CASP4: variants seen among roughly 807,000 people sequenced by gnomAD.
CASP4 encodes the protein caspase-4.
In CASP4, 29 loss-of-function variants were observed where a neutral mutation model predicts 41.3. The ratio of observed to expected loss-of-function variants is 0.70; its 90% CI spans 0.52 to 0.96. The LOEUF (loss-of-function observed/expected upper bound fraction) is 0.96. Among genes scored for constraint, CASP4 ranks in the 40% least tolerant of loss-of-function variants. The pLI is 0.00. For synonymous variants in CASP4, 185 were observed against 158.4 expected, an observed-to-expected ratio of 1.17 and a Z score of -1.26; for missense variants, 447 against 460.6, an observed-to-expected ratio of 0.97 and a Z score of 0.27.
chr11:104,953,199 A>T (rs1313126669), intron 2 of CASP4, among the ~76,000 whole-genome samples: 2 of 152,074 alleles, frequency 1.3e-5, no homozygotes, highest in African/African-American at 4.8e-5. Flanking sequence ...AGAGAGCTGG[A>T]TACACTCTAG....
chr11:104,963,084 C>T (rs146227572), intron 1 of CASP4, among the ~76,000 whole-genome samples: 72 of 152,210 alleles, frequency 4.7e-4, no homozygotes, highest in East Asian at 1.7e-3. Flanking sequence ...TTGGGTAATA[C>T]GAAATTTAAA....
At chr11:104,947,922 T>C (rs1860503469) in intron 6 of CASP4, 1 of 152,188 alleles carries the variant, frequency 6.6e-6, no homozygotes, top group Admixed American at 6.5e-5. Context: ...CAGGAGTACA[T>C]AGAAATCTCC....
intron 1 of CASP4, among the ~76,000 whole-genome samples, chr11:104,968,047 C>G (rs900627057): frequency 6.6e-6 from 1 of 151,754 alleles, no homozygotes; most frequent in East Asian, 1.9e-4. Flanking sequence ...TCAGGACCAA[C>G]GAGAAAGAGG....
intron 1 of CASP4, among the ~76,000 whole-genome samples, chr11:104,964,045 A>G (rs1012922433): frequency 6.6e-6 from 1 of 152,168 alleles, no homozygotes; most frequent in African/African-American, 2.4e-5. Context: ...AATTCTGATA[A>G]AATTTACTGT....
At position 104,944,808 on chromosome 11, in the gene CASP4, G is replaced by C. The variant is rs1440848665; in HGVS notation, c.1079C>G (p.Pro360Arg). The C allele has an allele frequency of 6.2e-7, 1 of 1,613,564 alleles. No homozygotes were observed. Among genetic ancestry groups the C allele is most frequent in the Non-Finnish European group, 8.5e-7 (1 of 1,179,700 alleles). The change falls in exon 8 of 9, where the codon CCC (proline) becomes CGC (arginine). Residue 360 changes from proline (P) to arginine (R), a missense_variant. Physicochemically the swap from Pro to Arg is moderately radical, Grantham distance 103. Transcript: ENST00000444739. Reference sequence around the variant, plus strand: ...TGTCATGGACAGTCGTTCTATGGTGGGCATTTGAGCTTTGGCCCTTGGAGT... The same window carrying C: ...TGTCATGGACAGTCGTTCTATGGTGCGCATTTGAGCTTTGGCCCTTGGAGT... ...FETPRAKAQM[P>R]TIERLSMTRY...
chr11:104,947,971 T>G (rs918228010), intron 6 of CASP4: 3 of 152,212 alleles, frequency 2.0e-5, no homozygotes, highest in Non-Finnish European at 2.9e-5. Flanking sequence ...TGTAACATTA[T>G]GTATGTCAAT....
intron 5 of CASP4, chr11:104,949,265 C>A: frequency 6.7e-6 from 3 of 446,714 alleles, no homozygotes; most frequent in Non-Finnish European, 1.2e-5. Flanking sequence ...AAAATGATTC[C>A]ATTCCAAAGT....
rs754450853 is a variant in CASP4, at chr11:104,954,978, G to C, written c.31C>G (p.Leu11Val). 3.7e-6 allele frequency: 6 copies of C among 1,613,212 alleles called. No individual in the cohort carries two copies. The highest frequency in any genetic ancestry group is 5.1e-6 in the Non-Finnish European group (6 of 1,179,590). The change falls in exon 2 of 9, where the codon CTT becomes GTT. Residue 11 changes from leucine to valine, a missense_variant. Leu to Val is a conservative substitution (Grantham distance 32, BLOSUM62 1). Coordinates refer to ENST00000444739, the MANE Select transcript of CASP4 (RefSeq NM_001225.4). Reference protein sequence around the residue: MAEGNHRKKPLKVLESLGKDF... With the variant: MAEGNHRKKPVKVLESLGKDF... Reference sequence around the variant, plus strand: ...TTGCCCAGGGATTCCAACACCTTAAGTGGCTTTTTTCTGTGGTTGCCTTCT... The same window carrying C: ...TTGCCCAGGGATTCCAACACCTTAACTGGCTTTTTTCTGTGGTTGCCTTCT...
At chr11:104,961,279 G>T (rs1434099044) in intron 1 of CASP4, among the ~76,000 whole-genome samples, 6 of 152,228 alleles carry the variant, frequency 3.9e-5, no homozygotes, top group African/African-American at 7.2e-5. Context: ...CTATCACAGG[G>T]TTTCCGTCTG....
Position 104,951,806 on chromosome 11 carries a change from CCAAT to C in CASP4, c.372+86_372+89del, listed in dbSNP as rs1313671701. 4.7e-6 allele frequency: 4 copies of C among 842,366 alleles called. No individual in the cohort carries two copies. The South Asian group carries it at 5.4e-5, about 11-fold the overall frequency. 52.2% of individuals were successfully genotyped at this position (842,366 alleles called of 1,614,324 possible). On this transcript the variant is annotated intron_variant, in intron 3 of 8. Coordinates refer to ENST00000444739, the MANE Select transcript of CASP4 (RefSeq NM_001225.4). ...AAAATGGTTACTGTCATCCCCACCCCCAATCATTTAGTGCTGTAAGAAATGGTGC... is the reference window on the plus strand; with the variant it reads ...AAAATGGTTACTGTCATCCCCACCCCCATTTAGTGCTGTAAGAAATGGTGC...
intron 1 of CASP4, among the ~76,000 whole-genome samples, chr11:104,957,592 C>T (rs965721189): frequency 3.9e-5 from 6 of 151,932 alleles, no homozygotes; most frequent in African/African-American, 1.4e-4. Flanking sequence ...GCAATAATAA[C>T]AAATCTCAAA....
chr11:104,949,582 C>G lies in CASP4; in HGVS notation c.742G>C (p.Asp248His), dbSNP rs1257691291. 7.4e-6 allele frequency: 12 copies of G among 1,613,782 alleles called. No homozygotes were observed. The highest frequency in any genetic ancestry group is 1.3e-5 in the African/African-American group (1 of 74,884). Residue 248 changes from aspartate to histidine, a missense_variant, in exon 5 of 9, where the codon GAC becomes CAC. By Grantham distance (81) the Asp-to-His change is moderately conservative (BLOSUM62 -1). Coordinates refer to ENST00000444739, the MANE Select transcript of CASP4 (RefSeq NM_001225.4). ...FNNRNCLSLK[D>H]KPKVIIVQAC... Reference sequence around the variant, plus strand: ...TGGACAATGATGACCTTGGGTTTGTCCTTCAGACTGAGGCAGTTGCGGTTG... The same window carrying G: ...TGGACAATGATGACCTTGGGTTTGTGCTTCAGACTGAGGCAGTTGCGGTTG...
At chr11:104,944,949 C>T in intron 7 of CASP4, 98 bp from the exon 8 acceptor site, 4 of 834,822 alleles carry the variant, frequency 4.8e-6, no homozygotes, top group Non-Finnish European at 8.0e-6. Context: ...ATGAAGTGAG[C>T]TTGCAGGTTT....
chr11:104,947,558 A>T (rs896860165), intron 6 of CASP4: 1 of 155,546 alleles, frequency 6.4e-6, no homozygotes, highest in South Asian at 2.0e-4. Context: ...GCACAGAAAG[A>T]TGAAGGAACT....
chr11:104,960,337 G>A (rs551904021), intron 1 of CASP4, among the ~76,000 whole-genome samples: 2 of 152,118 alleles, frequency 1.3e-5, no homozygotes, highest in Admixed American at 6.5e-5. Context: ...TATCCTTCAA[G>A]TATCAGATTA....
At chr11:104,943,221 T>C (rs1860367647) in intron 8 of CASP4, 2 of 309,218 alleles carry the variant, frequency 6.5e-6, no homozygotes, top group Admixed American at 4.4e-5. Context: ...TTTTTAAAGG[T>C]TTACCATGTG....
intron 7 of CASP4, chr11:104,946,745 G>A (rs1591125109): frequency 1.2e-5 from 2 of 173,890 alleles, no homozygotes; most frequent in African/African-American, 4.8e-5. Flanking sequence ...CTGTCACCAG[G>A]AGGAAATCCA....
At chr11:104,955,701 G>A (rs1382396295) in intron 1 of CASP4, among the ~76,000 whole-genome samples, 3 of 151,992 alleles carry the variant, frequency 2.0e-5, no homozygotes, top group Admixed American at 6.6e-5. Context: ...TTGACACCAT[G>A]TTAATGTATT....
Position 104,949,712 on chromosome 11 carries a change from G to A in CASP4, c.612C>T (p.Phe204=). 8 of 1,613,952 alleles carry A rather than the reference G, an allele frequency of 5.0e-6. No homozygotes were observed. The highest frequency in any genetic ancestry group is 1.3e-5 in the African/African-American group (1 of 75,036). Reference sequence around the variant, plus strand: ...GGATGCCATGAGACATGAGTACCAAGAATGTGCTGTCAGAGGACTTGTGCT... The same window carrying A: ...GGATGCCATGAGACATGAGTACCAAAAATGTGCTGTCAGAGGACTTGTGCT... ...RPEHKSSDST[F]LVLMSHGILE... The change falls in exon 5 of 9, where the codon TTC becomes TTT. Residue 204 remains phenylalanine, a synonymous_variant. Transcript: ENST00000444739.
Sources: allele counts gnomAD v4.1 joint callset (sites outside exome capture counted in the v4.1 genomes callset), GRCh38; gene constraint gnomAD v4.1.1; transcripts MANE v1.5; gene names NCBI Gene and HGNC (gene_info 2026-07-23, HGNC 2026-07-21).